Variants in ATP6V1D observed in about 807,000 individuals in gnomAD.
The protein encoded by ATP6V1D is ATPase H+ transporting V1 subunit D, also known as V-type proton ATPase subunit D.
ATP6V1D carries 20 observed loss-of-function variants against 39.4 expected under a neutral mutation model. The observed-to-expected ratio is 0.51, with a 90% CI of 0.36 to 0.74. The LOEUF (loss-of-function observed/expected upper bound fraction) is 0.74. Among genes scored for constraint, ATP6V1D ranks in the 30% least tolerant of loss-of-function variants. ATP6V1D has a pLI of 0.00. For missense variants in ATP6V1D, 228 were observed against 291.6 expected, an observed-to-expected ratio of 0.78 and a Z score of 1.59; for synonymous variants, 100 against 100.5, an observed-to-expected ratio of 0.99 and a Z score of 0.03.
At chr14:67,351,873 ATT>A (rs981209413) in intron 2 of ATP6V1D, among the ~76,000 whole-genome samples, 8 of 148,922 alleles carry the variant, frequency 5.4e-5, no homozygotes, top group African/African-American at 2.0e-4. Context: ...TATTTTTAAC[ATT>A]TTACACATTA....
At chr14:67,347,502 C>CTTTTTT in intron 4 of ATP6V1D, 49 bp from the exon 5 acceptor site, 3 of 1,112,678 alleles carry the variant, frequency 2.7e-6, no homozygotes, top group Non-Finnish European at 3.8e-6. Flanking sequence ...TAAGTTCTCT[C>CTTTTTT]TTTTTTTTTT....
At chr14:67,359,609 T>C in intron 1 of ATP6V1D, 49 bp downstream of exon 1, 7 of 1,609,322 alleles carry the variant, frequency 4.3e-6, no homozygotes, top group Non-Finnish European at 5.9e-6. Flanking sequence ...GGGACCGCGC[T>C]CCGGGTTCCT....
intron 1 of ATP6V1D, among the ~76,000 whole-genome samples, chr14:67,358,385 G>T (rs914552266): frequency 6.6e-6 from 1 of 152,100 alleles, no homozygotes; most frequent in African/African-American, 2.4e-5. Flanking sequence ...AGAAATCTGG[G>T]CTTCAGGTTT....
intron 3 of ATP6V1D, among the ~76,000 whole-genome samples, chr14:67,350,298 T>C (rs1359944222): frequency 6.6e-6 from 1 of 151,604 alleles, no homozygotes; most frequent in African/African-American, 2.4e-5. Context: ...ATACCCAGCA[T>C]TAGGAGAAAA....
At chr14:67,354,589 T>C (rs529345667) in intron 1 of ATP6V1D, among the ~76,000 whole-genome samples, 2 of 152,256 alleles carry the variant, frequency 1.3e-5, no homozygotes, top group Admixed American at 6.5e-5. Flanking sequence ...AGTTCACCTA[T>C]GATGGAATGA....
intron 5 of ATP6V1D, among the ~76,000 whole-genome samples, chr14:67,346,374 C>A (rs549772026): frequency 6.6e-6 from 1 of 152,232 alleles, no homozygotes; most frequent in South Asian, 2.1e-4. Flanking sequence ...TGCAGTGGTG[C>A]GATCTCAGCT....
intron 4 of ATP6V1D, 129 bp from the exon 5 acceptor site, chr14:67,347,582 A>G: frequency 1.4e-6 from 1 of 717,998 alleles, no homozygotes; most frequent in South Asian, 1.9e-5. Flanking sequence ...CCTCACCGCA[A>G]CCTCTGCCTC....
rs532689973 is a variant in ATP6V1D at position 67,350,418 on chromosome 14, T to G, written c.239+193A>C. Among the ~76,000 whole-genome samples the G allele has an allele frequency of 4.6e-5, 7 of 152,364 alleles. No homozygotes were observed. The East Asian group carries it at 9.6e-4, about 21-fold the overall frequency. ...TCTAAAATACTAAGTATCCTGCGCC[T>G]GCAACTATGTAAGAATTACATGTGG... On this transcript the variant is annotated intron_variant, in intron 3 of 8. Transcript: ENST00000216442.
At chr14:67,350,405 A>C (rs1352366558) in intron 3 of ATP6V1D, among the ~76,000 whole-genome samples, 1 of 152,236 alleles carries the variant, frequency 6.6e-6, no homozygotes, top group African/African-American at 2.4e-5. Context: ...TAAAATACTA[A>C]GTATCCTGCG....
chr14:67,347,080 C>T, intron 5 of ATP6V1D, among the ~76,000 whole-genome samples: 1 of 152,082 alleles, frequency 6.6e-6, no homozygotes, highest in African/African-American at 2.4e-5. Context: ...ACCTCCCCAG[C>T]TCAAGCAATC....
chr14:67,359,293 G>A (rs971567076), intron 1 of ATP6V1D, among the ~76,000 whole-genome samples: 5 of 152,162 alleles, frequency 3.3e-5, no homozygotes, highest in Non-Finnish European at 7.4e-5. Context: ...GTCTGGCTAC[G>A]TAAACTGTGA....
intron 7 of ATP6V1D, among the ~76,000 whole-genome samples, chr14:67,342,523 A>G (rs555014913): frequency 3.3e-5 from 5 of 149,702 alleles, no homozygotes; most frequent in Non-Finnish European, 7.4e-5. Context: ...AGCTTCTAGA[A>G]TGTGAACTCT....
At chr14:67,351,702 G>A (rs1017465889) in intron 2 of ATP6V1D, among the ~76,000 whole-genome samples, 1 of 151,502 alleles carries the variant, frequency 6.6e-6, no homozygotes, top group East Asian at 1.9e-4. Context: ...CTTCTTTTTT[G>A]TAGAGACAAG....
At chr14:67,350,735 A>G in intron 2 of ATP6V1D, 45 bp from the exon 3 acceptor site, 2 of 1,525,144 alleles carry the variant, frequency 1.3e-6, no homozygotes, top group Non-Finnish European at 1.8e-6. Flanking sequence ...AGCCTTTTAC[A>G]AGGAAATATT....
rs575769561 is a variant in ATP6V1D, at chr14:67,340,808, C to T, written c.524-290G>A. ...CCTGCCTCAGCCTGCCGAGTGCCTG[C>T]GATTGCAGGCGCGTGCCGCCACGCC... is the stretch of plus-strand genomic sequence containing the variant. On this transcript the variant is annotated intron_variant, in intron 7 of 8. Coordinates refer to ENST00000216442, the MANE Select transcript of ATP6V1D (RefSeq NM_015994.4). Among the ~76,000 whole-genome samples the T allele has an allele frequency of 5.1e-3, 771 of 152,222 alleles. 3 individuals are homozygous for T. The highest frequency in any genetic ancestry group is 7.1e-3 in the Non-Finnish European group (483 of 68,020).
At chr14:67,346,985 A>T (rs1344810731) in intron 5 of ATP6V1D, among the ~76,000 whole-genome samples, 3 of 152,072 alleles carry the variant, frequency 2.0e-5, no homozygotes, top group Non-Finnish European at 4.4e-5. Context: ...ACTTCCTAGC[A>T]TAAGACCTTT....
At chr14:67,357,036 G>A (rs985805246) in intron 1 of ATP6V1D, among the ~76,000 whole-genome samples, 5 of 152,130 alleles carry the variant, frequency 3.3e-5, no homozygotes. Context: ...TGTGAAATGG[G>A]CAATTTTAAT....
rs746846046 is a variant in ATP6V1D, at chr14:67,359,704, C to G, written c.-6G>C. The G allele has an allele frequency of 3.7e-6, 6 of 1,614,152 alleles. No individual in the cohort carries two copies. In the South Asian group the frequency reaches 6.6e-5, roughly 18 times the overall value. On this transcript the variant is annotated 5_prime_UTR_variant, in exon 1 of 9. Transcript: ENST00000216442. ...ATTCGGTCTTTGCCCGACATTCTGA[C>G]GATAACTTTTCGGCTCGGGTCCCCG...
Position 67,339,512 on chromosome 14 carries a change from T to A in ATP6V1D, c.603-750A>T, listed in dbSNP as rs150706453. On this transcript the variant is annotated intron_variant, in intron 8 of 8. Transcript: ENST00000216442. ...TTTCCTAAATACTCCTGCCCTCACC[T>A]ACCTCCCATTTCTCTGAACCGAGTA... Among the ~76,000 whole-genome samples, 792 of 152,226 alleles carry A rather than the reference T, an allele frequency of 5.2e-3. 7 individuals carry two copies. Among genetic ancestry groups the A allele is most frequent in the African/African-American group, 0.019 (775 of 41,544 alleles).
Sources: allele counts gnomAD v4.1 joint callset (sites outside exome capture counted in the v4.1 genomes callset), GRCh38; gene constraint gnomAD v4.1.1; transcripts MANE v1.5; gene names NCBI Gene and HGNC (gene_info 2026-07-23, HGNC 2026-07-21).